The following ANO5 variants were observed in gnomAD, a reference collection of about 807,000 sequenced individuals.
The protein encoded by ANO5 is anoctamin 5.
Under a neutral mutation model 121.0 loss-of-function variants are expected in ANO5, and 109 were observed. The ratio of observed to expected loss-of-function variants is 0.90; its 90% CI spans 0.77 to 1.06. The LOEUF is 1.06. ANO5 is among the 50% of genes least tolerant of loss of function. ANO5 has a pLI of 0.00. For synonymous variants in ANO5, 406 were observed against 359.9 expected (o/e 1.13, Z -1.45); for missense variants, 1,064 against 1,078.5 (o/e 0.99, Z 0.19).
In ANO5 at chr11:22,272,782, A is replaced by T. The variant is rs1187569251; in HGVS notation, c.2030-2A>T. ...GTTCATGCCTTTTTCTTTTCTCTAC[A>T]GTTACTCAATTTGGATTTGTTACAC... On this transcript the variant is annotated splice_acceptor_variant, in intron 18 of 21. Transcript: ENST00000324559. LOFTEE classifies it high-confidence loss of function. 6.2e-7 allele frequency: 1 copy of T among 1,613,138 alleles called. No individual in the cohort carries two copies. Among genetic ancestry groups the T allele is most frequent in the African/African-American group, 1.3e-5 (1 of 74,850 alleles).
chr11:22,265,384 G>C (rs1274441344), intron 17 of ANO5, among the ~76,000 whole-genome samples: 1 of 152,012 alleles, frequency 6.6e-6, no homozygotes, highest in African/African-American at 2.4e-5. Context: ...TGGTAAAATA[G>C]ACATTTTTAG....
intron 17 of ANO5, among the ~76,000 whole-genome samples, chr11:22,266,602 T>C (rs12274695): frequency 0.021 from 3,192 of 152,312 alleles, 109 homozygotes; most frequent in African/African-American, 0.072. Flanking sequence ...ATTTTCCTAC[T>C]TGTCAATCTT....
chr11:22,204,826 C>T (rs192249734), intron 2 of ANO5, among the ~76,000 whole-genome samples: 2 of 152,236 alleles, frequency 1.3e-5, no homozygotes, highest in East Asian at 3.9e-4. Context: ...TACCATTCGA[C>T]CCAGCAATCC....
chr11:22,274,872 A>C, intron 20 of ANO5, 125 bp downstream of exon 20: 1 of 1,236,894 alleles, frequency 8.1e-7, no homozygotes. Context: ...TCCTGTATAA[A>C]TAAAGTGTAT....
intron 5 of ANO5, among the ~76,000 whole-genome samples, chr11:22,224,083 T>C (rs117684606): frequency 6.6e-6 from 1 of 152,110 alleles, no homozygotes; most frequent in East Asian, 1.9e-4. Flanking sequence ...CCACATTATC[T>C]TAGTTTTTTT....
At chr11:22,270,588 G>A in intron 18 of ANO5, 146 bp downstream of exon 18, 1 of 1,202,988 alleles carries the variant, frequency 8.3e-7, no homozygotes, top group Non-Finnish European at 1.2e-6. Context: ...GGGATATAAA[G>A]AAAATTTGTT....
At position 22,276,122 on chromosome 11, in the gene ANO5, G is replaced by A. The variant is rs1393118989; in HGVS notation, c.2443G>A (p.Asp815Asn). ...RYRDYRYPPD[D>N]ENKYFHNMQF... ...CAGAGATTACAGATATCCTCCTGATGACGAGAATAAATATTTTCATAATAT... is the reference window on the plus strand; with the variant it reads ...CAGAGATTACAGATATCCTCCTGATAACGAGAATAAATATTTTCATAATAT... Residue 815 changes from aspartate to asparagine, a missense_variant, in exon 21 of 22, where the codon GAC (aspartate) becomes AAC (asparagine). Physicochemically the swap from Asp to Asn is conservative, Grantham distance 23 (BLOSUM62 1). Transcript: ENST00000324559. The A allele has an allele frequency of 1.2e-6, 2 of 1,609,742 alleles. No individual in the cohort carries two copies. Among genetic ancestry groups the A allele is most frequent in the Non-Finnish European group, 8.5e-7 (1 of 1,176,920 alleles).
chr11:22,193,351 GAGCA>G lies in ANO5; in HGVS notation c.-141_-138del, dbSNP rs1851708918. The G allele has an allele frequency of 6.6e-7, 1 of 1,515,622 alleles. No individual in the cohort carries two copies. The highest frequency in any genetic ancestry group is 8.8e-7 in the Non-Finnish European group (1 of 1,132,934). 93.9% of individuals were successfully genotyped at this position (1,515,622 alleles called of 1,614,324 possible). ...AGGAGAAGGAGGCCTGCAGAAGGAA[GAGCA>G]GGCCCTTAGAAGTCCAGCAGCAGCA... On this transcript the variant is annotated 5_prime_UTR_variant, in exon 1 of 22. Transcript: ENST00000324559.
rs1855041204 is a variant in ANO5 at position 22,280,518 on chromosome 11, A to G, written c.*753A>G. On this transcript the variant is annotated 3_prime_UTR_variant, in exon 22 of 22. Coordinates refer to ENST00000324559, the MANE Select transcript of ANO5 (RefSeq NM_213599.3). ...GCTGTTAGATTGCTTCAGGTTCTCA[A>G]GCAAAGACACAATACAGAAGTAAAT... 6.6e-6 allele frequency: 1 copy of G among 151,994 alleles called. No individual in the cohort carries two copies. Among genetic ancestry groups the G allele is most frequent in the African/African-American group, 2.4e-5 (1 of 41,444 alleles). 9.4% of individuals were successfully genotyped at this position (151,994 alleles called of 1,614,324 possible). A position where few individuals can be genotyped will look rare whatever the true frequency, so the allele number is the denominator to read the frequency against.
intron 7 of ANO5, among the ~76,000 whole-genome samples, chr11:22,234,065 G>A (rs1853136095): frequency 6.6e-6 from 1 of 151,988 alleles, no homozygotes; most frequent in Admixed American, 6.6e-5. Flanking sequence ...AATTTTCATT[G>A]AAAACTGCTT....
chr11:22,225,985 A>G lies in ANO5; in HGVS notation c.296A>G (p.Glu99Gly), dbSNP rs571318959. ...TCTGTTGATTTTTTTTTGTCATAGG[A>G]AAGAAGAAAAGAGTTTGAAACTAAT... Reference protein sequence around the residue: ...DVKKDAELKAERRKEFETNLR... With the variant: ...DVKKDAELKAGRRKEFETNLR... The change falls in exon 6 of 22, where the codon GAA becomes GGA. Residue 99 changes from glutamate to glycine, a missense_variant and splice_region_variant. Physicochemically the swap from Glu to Gly is moderately conservative, Grantham distance 98. Transcript: ENST00000324559. 2.6e-5 allele frequency: 41 copies of G among 1,604,658 alleles called. 1 individual carries two copies. The South Asian group carries it at 3.9e-4, about 15-fold the overall frequency.
chr11:22,251,055 T>A, intron 12 of ANO5, 44 bp downstream of exon 12: 1 of 1,542,186 alleles, frequency 6.5e-7, no homozygotes. Context: ...TTCCTATTAA[T>A]GTGTTGTTTT....
At chr11:22,278,655 T>A (rs1032102074) in intron 21 of ANO5, among the ~76,000 whole-genome samples, 1 of 151,512 alleles carries the variant, frequency 6.6e-6, no homozygotes, top group African/African-American at 2.4e-5. Context: ...TGATGTCACT[T>A]GGTGGGTTTC....
rs75315439 is a variant in ANO5, at chr11:22,276,405, T to C, written c.2520+206T>C. ...TCACTTATTATTGTTGAACATGTCA[T>C]GGTGACAGAAAAGGAAAGGAAAACA... On this transcript the variant is annotated intron_variant, in intron 21 of 21. Transcript: ENST00000324559. 0.046 allele frequency among the ~76,000 whole-genome samples: 6,985 copies of C among 151,804 alleles called. 442 individuals are homozygous for C. Among genetic ancestry groups the C allele is most frequent in the East Asian group, 0.21 (1,109 of 5,174 alleles).
chr11:22,222,862 G>C (rs1191234264), intron 5 of ANO5, among the ~76,000 whole-genome samples: 1 of 151,808 alleles, frequency 6.6e-6, no homozygotes, highest in East Asian at 1.9e-4. Flanking sequence ...TCCATATTCT[G>C]TTTTCTCCCA....
chr11:22,274,575 A>G lies in ANO5; in HGVS notation c.2242A>G (p.Ile748Val). The change falls in exon 20 of 22, where the codon ATT becomes GTT. Residue 748 changes from isoleucine (I) to valine (V), a missense_variant. Coordinates refer to ENST00000324559, the MANE Select transcript of ANO5 (RefSeq NM_213599.3). ...TTTTTTTTTTATTCTTCAGGCCTTT[A>G]TTGTTGCATTTACGTCAGACATCAT... Reference protein sequence around the residue: ...AVLSVATNAFIVAFTSDIIPR... With the variant: ...AVLSVATNAFVVAFTSDIIPR... The G allele has an allele frequency of 1.3e-6, 2 of 1,592,542 alleles. No individual in the cohort carries two copies. Among genetic ancestry groups the G allele is most frequent in the Non-Finnish European group, 1.7e-6 (2 of 1,167,928 alleles).
At chr11:22,255,596 A>C in intron 13 of ANO5, 74 bp downstream of exon 13, 3 of 1,557,836 alleles carry the variant, frequency 1.9e-6, no homozygotes, top group Non-Finnish European at 2.6e-6. Flanking sequence ...TCATATAATC[A>C]TAGTTTATTT....
chr11:22,258,017 T>A (rs1304173433), intron 14 of ANO5, among the ~76,000 whole-genome samples: 1 of 152,228 alleles, frequency 6.6e-6, no homozygotes, highest in Admixed American at 6.5e-5. Context: ...TTCGTTTAAG[T>A]GATCACTTGA....
intron 17 of ANO5, among the ~76,000 whole-genome samples, chr11:22,267,130 T>A (rs201677449): frequency 1.3e-5 from 2 of 152,090 alleles, no homozygotes; most frequent in South Asian, 2.1e-4. Context: ...AAAAGTAAGG[T>A]CCTAGGCAAA....
Sources: gnomAD v4.1 joint callset for allele counts (sites outside exome capture counted in the v4.1 genomes callset) on GRCh38, gnomAD v4.1.1 for gene constraint, MANE v1.5 for transcripts, NCBI Gene and HGNC (gene_info 2026-07-23, HGNC 2026-07-21) for gene names.